Variants in DOCK3 observed in about 807,000 individuals in gnomAD.
DOCK3 encodes dedicator of cytokinesis protein 3.
A neutral mutation model predicts 265.6 loss-of-function variants in DOCK3; 60 were observed. The observed-to-expected ratio is 0.23, with a 90% CI of 0.18 to 0.28. The LOEUF (loss-of-function observed/expected upper bound fraction) is 0.28. DOCK3 is among the 10% of genes least tolerant of loss of function. The probability of loss-of-function intolerance (pLI) is 1.00; values close to 1 mark genes in which losing one functional copy is unlikely to be tolerated. For synonymous variants in DOCK3, 881 were observed against 938.0 expected (o/e 0.94, Z 1.11); for missense variants, 1,981 against 2,594.3 (o/e 0.76, Z 5.14).
intron 15 of DOCK3, among the ~76,000 whole-genome samples, chr3:51,226,830 G>A (rs535747587): frequency 1.3e-5 from 2 of 152,196 alleles, no homozygotes; most frequent in Non-Finnish European, 2.9e-5. Flanking sequence ...GTCAGCCAGG[G>A]GTGACCTAAA....
intron 9 of DOCK3, among the ~76,000 whole-genome samples, chr3:51,120,095 G>A (rs1194630940): frequency 6.6e-6 from 1 of 152,088 alleles, no homozygotes; most frequent in South Asian, 2.1e-4. Flanking sequence ...CCTCATCTTC[G>A]TAGATTTATC....
chr3:51,215,489 C>T (rs2089731077), intron 14 of DOCK3, among the ~76,000 whole-genome samples: 1 of 152,114 alleles, frequency 6.6e-6, no homozygotes, highest in Non-Finnish European at 1.5e-5. Context: ...AAGGGCCAGG[C>T]CAGACCAGGC....
intron 48 of DOCK3, 25 bp from the exon 49 acceptor site, chr3:51,362,502 C>G: frequency 1.2e-6 from 2 of 1,613,690 alleles, no homozygotes; most frequent in Non-Finnish European, 1.7e-6. Context: ...AGACCTCTAT[C>G]CTGCTGATTT....
intron 12 of DOCK3, among the ~76,000 whole-genome samples, chr3:51,195,201 G>A (rs527635160): frequency 1.3e-5 from 2 of 152,136 alleles, no homozygotes; most frequent in East Asian, 3.9e-4. Flanking sequence ...TCTGCAAAGT[G>A]GAAAATTTAA....
intron 22 of DOCK3, among the ~76,000 whole-genome samples, chr3:51,257,169 T>A (rs2079593080): frequency 6.6e-6 from 1 of 152,230 alleles, no homozygotes; most frequent in Non-Finnish European, 1.5e-5. Context: ...TCACACTTGT[T>A]CTGTAATACG....
intron 1 of DOCK3, among the ~76,000 whole-genome samples, chr3:50,744,949 A>G (rs1393717399): frequency 2.0e-5 from 3 of 152,128 alleles, no homozygotes; most frequent in Non-Finnish European, 4.4e-5. Flanking sequence ...GTATCACAGT[A>G]TTTTGATGAC....
At chr3:51,126,252 A>G (rs1236820463) in intron 9 of DOCK3, among the ~76,000 whole-genome samples, 1 of 152,230 alleles carries the variant, frequency 6.6e-6, no homozygotes, top group Non-Finnish European at 1.5e-5. Flanking sequence ...ACTCTTGGGA[A>G]GTCGCAAAGG....
At chr3:50,722,733 A>G (rs1356736597) in intron 1 of DOCK3, among the ~76,000 whole-genome samples, 1 of 151,192 alleles carries the variant, frequency 6.6e-6, no homozygotes, top group Non-Finnish European at 1.5e-5. Context: ...GGTGGACAAC[A>G]TGTATGAACA....
intron 2 of DOCK3, among the ~76,000 whole-genome samples, chr3:50,840,866 T>G (rs2045788365): frequency 6.6e-6 from 1 of 152,246 alleles, no homozygotes; most frequent in African/African-American, 2.4e-5. Flanking sequence ...TGTTTTCAGG[T>G]GAAAAAAGTT....
At chr3:51,284,245 G>A (rs2081291434) in intron 27 of DOCK3, among the ~76,000 whole-genome samples, 1 of 152,018 alleles carries the variant, frequency 6.6e-6, no homozygotes, top group South Asian at 2.1e-4. Context: ...CTAGACCTCA[G>A]GAAAAAAAAT....
At chr3:50,728,423 C>T (rs894076535) in intron 1 of DOCK3, among the ~76,000 whole-genome samples, 1 of 151,484 alleles carries the variant, frequency 6.6e-6, no homozygotes, top group Non-Finnish European at 1.5e-5. Context: ...GTATGTTAAA[C>T]CCAAATAATG....
intron 33 of DOCK3, among the ~76,000 whole-genome samples, chr3:51,331,214 A>G (rs912288936): frequency 2.0e-5 from 3 of 152,152 alleles, no homozygotes; most frequent in Non-Finnish European, 4.4e-5. Flanking sequence ...AAAAGGGGGG[A>G]GTCTCCCCTA....
chr3:50,868,907 T>TG (rs1209981401), intron 3 of DOCK3, among the ~76,000 whole-genome samples: 5 of 141,532 alleles, frequency 3.5e-5, no homozygotes, highest in Admixed American at 3.4e-4. Flanking sequence ...ATCTGTTTTT[T>TG]TTTTTTTTTT....
chr3:51,092,613 A>G (rs1248602236), intron 9 of DOCK3, among the ~76,000 whole-genome samples: 1 of 152,182 alleles, frequency 6.6e-6, no homozygotes, highest in Non-Finnish European at 1.5e-5. Context: ...TCCCTGCCTG[A>G]TGGCTCTGAA....
At chr3:51,339,541 T>C (rs1388545088) in intron 37 of DOCK3, among the ~76,000 whole-genome samples, 1 of 152,212 alleles carries the variant, frequency 6.6e-6, no homozygotes, top group Non-Finnish European at 1.5e-5. Flanking sequence ...GTGTAGAGTA[T>C]AAAGAATGTT....
chr3:51,289,483 G>A (rs2081608458), intron 27 of DOCK3, among the ~76,000 whole-genome samples: 1 of 152,118 alleles, frequency 6.6e-6, no homozygotes. Context: ...AAGGAAGAAA[G>A]CAATACAGGA....
At chr3:51,000,939 C>T (rs569013635) in intron 5 of DOCK3, among the ~76,000 whole-genome samples, 187 of 152,350 alleles carry the variant, frequency 1.2e-3, no homozygotes, top group Non-Finnish European at 2.0e-3. Context: ...AGGCGTGGGC[C>T]GCCACACCCA....
chr3:51,157,344 C>T (rs2085898698), intron 10 of DOCK3, among the ~76,000 whole-genome samples: 1 of 152,104 alleles, frequency 6.6e-6, no homozygotes, highest in South Asian at 2.1e-4. Context: ...CTCCCAGGTT[C>T]AAGCCATTCT....
chr3:51,007,361 T>G (rs1226101917), intron 5 of DOCK3, among the ~76,000 whole-genome samples: 1 of 152,252 alleles, frequency 6.6e-6, no homozygotes, highest in Non-Finnish European at 1.5e-5. Context: ...GATTTGCATT[T>G]CTCTGATGGC....
Sources: gnomAD v4.1 joint callset for allele counts (sites outside exome capture counted in the v4.1 genomes callset) on GRCh38, gnomAD v4.1.1 for gene constraint, MANE v1.5 for transcripts, NCBI Gene and HGNC (gene_info 2026-07-23, HGNC 2026-07-21) for gene names.